The following STXBP6 variants were observed in gnomAD, a reference collection of about 807,000 sequenced individuals.
STXBP6 encodes the protein syntaxin binding protein 6.
A neutral mutation model predicts 26.9 loss-of-function variants in STXBP6; 21 were observed. That is an observed-to-expected ratio of 0.78 (90% CI 0.55 to 1.12). The LOEUF is 1.12. Among genes scored for constraint, STXBP6 ranks in the 50% most tolerant of loss-of-function variants. The pLI, the probability that STXBP6 is intolerant of heterozygous loss-of-function variation, is 0.00. For missense variants in STXBP6, 232 were observed against 257.9 expected (o/e 0.90, Z 0.69); for synonymous variants, 97 against 92.6 (o/e 1.05, Z -0.27).
At chr14:24,965,312 T>A (rs191333662) in intron 2 of STXBP6, among the ~76,000 whole-genome samples, 2 of 125,002 alleles carry the variant, frequency 1.6e-5, no homozygotes, top group Non-Finnish European at 3.5e-5. Context: ...ATGCCTGTCA[T>A]ACATACATAT....
chr14:24,976,163 G>T (rs2074039758), intron 1 of STXBP6, among the ~76,000 whole-genome samples: 1 of 152,178 alleles, frequency 6.6e-6, no homozygotes, highest in African/African-American at 2.4e-5. Flanking sequence ...GGAGTTGACT[G>T]CTAACTACAT....
At chr14:24,979,281 G>A (rs2074125927) in intron 1 of STXBP6, among the ~76,000 whole-genome samples, 3 of 152,162 alleles carry the variant, frequency 2.0e-5, no homozygotes, top group Admixed American at 6.5e-5. Context: ...ACTTCCTATT[G>A]TAAATGAGTA....
rs573955824 is a variant in STXBP6, at chr14:24,877,790, C to T, written c.155-20633G>A. On this transcript the variant is annotated intron_variant, in intron 2 of 5. Coordinates refer to ENST00000323944, the MANE Select transcript of STXBP6 (RefSeq NM_001394410.1). ...AAAGTTCCAGAAGTGGATTGGATTA[C>T]ACACTTAAAGAGCAAATGTACTTGT... is the stretch of plus-strand genomic sequence containing the variant. Among the ~76,000 whole-genome samples the T allele has an allele frequency of 9.9e-5, 15 of 152,262 alleles. No individual in the cohort carries two copies. The South Asian group carries it at 3.1e-3, about 32-fold the overall frequency.
At chr14:24,959,489 T>TA (rs1405064033) in intron 2 of STXBP6, among the ~76,000 whole-genome samples, 8 of 152,132 alleles carry the variant, frequency 5.3e-5, no homozygotes, top group African/African-American at 1.9e-4. Flanking sequence ...TATGTTATTT[T>TA]AAAAAAACAA....
chr14:24,920,780 TAAGAA>T (rs1210284003), intron 2 of STXBP6, among the ~76,000 whole-genome samples: 1 of 152,070 alleles, frequency 6.6e-6, no homozygotes, highest in Non-Finnish European at 1.5e-5. Flanking sequence ...TCAACTGTTC[TAAGAA>T]TAGTATGAAG....
At chr14:24,956,749 G>C (rs2073357745) in intron 2 of STXBP6, among the ~76,000 whole-genome samples, 1 of 152,030 alleles carries the variant, frequency 6.6e-6, no homozygotes, top group Non-Finnish European at 1.5e-5. Context: ...TTTTATTTTT[G>C]TAATACACCG....
At chr14:24,908,652 T>C (rs1262215942) in intron 2 of STXBP6, among the ~76,000 whole-genome samples, 2 of 152,106 alleles carry the variant, frequency 1.3e-5, no homozygotes, top group African/African-American at 2.4e-5. Flanking sequence ...TCTCAGGTCT[T>C]CCTCCACAAA....
At chr14:24,971,560 C>CT (rs950996074) in intron 2 of STXBP6, among the ~76,000 whole-genome samples, 10 of 145,240 alleles carry the variant, frequency 6.9e-5, no homozygotes, top group Admixed American at 6.1e-4. Flanking sequence ...TCACAGACTC[C>CT]TATGAGAGCT....
intron 2 of STXBP6, among the ~76,000 whole-genome samples, chr14:24,894,886 T>TC (rs2070931308): frequency 2.0e-5 from 1 of 49,544 alleles, no homozygotes; most frequent in African/African-American, 4.3e-5. Flanking sequence ...CTTATTTCTC[T>TC]CTCTCTTTTT....
In STXBP6 at chr14:25,003,309, G is replaced by A. The variant is rs150940140; in HGVS notation, c.-32-28459C>T. Reference sequence around the variant, plus strand: ...ACCAAGGAGAGCAGAGCCTCTTCCTGTGAAATATCTTCTCTCCTAGCCTTT... The same window carrying A: ...ACCAAGGAGAGCAGAGCCTCTTCCTATGAAATATCTTCTCTCCTAGCCTTT... On this transcript the variant is annotated intron_variant, in intron 1 of 5. Transcript: ENST00000323944. Among the ~76,000 whole-genome samples the A allele has an allele frequency of 4.4e-3, 670 of 152,298 alleles. 3 individuals carry two copies. Among genetic ancestry groups the A allele is most frequent in the African/African-American group, 0.015 (640 of 41,564 alleles).
chr14:25,003,289 G>A (rs770784207), intron 1 of STXBP6, among the ~76,000 whole-genome samples: 6 of 152,284 alleles, frequency 3.9e-5, no homozygotes, highest in Non-Finnish European at 8.8e-5. Context: ...CTAATACCAA[G>A]GAGAGCAGAG....
At chr14:24,875,474 T>G (rs1262946283) in intron 2 of STXBP6, among the ~76,000 whole-genome samples, 1 of 152,234 alleles carries the variant, frequency 6.6e-6, no homozygotes, top group Non-Finnish European at 1.5e-5. Context: ...GTTTTAGGAC[T>G]CATTTGAGAT....
chr14:24,857,835 A>G (rs998145666), intron 2 of STXBP6, among the ~76,000 whole-genome samples: 6 of 151,982 alleles, frequency 3.9e-5, no homozygotes, highest in Non-Finnish European at 8.8e-5. Flanking sequence ...TTCTGTGCTA[A>G]AGATGGACAG....
chr14:24,819,347 G>T, intron 4 of STXBP6, 153 bp from the exon 5 acceptor site: 1 of 870,684 alleles, frequency 1.1e-6, no homozygotes, highest in Non-Finnish European at 1.8e-6. Context: ...CATTTCTTTT[G>T]ATTGGGTTTG....
chr14:25,045,685 C>A (rs1003998768), intron 1 of STXBP6, among the ~76,000 whole-genome samples: 17 of 150,918 alleles, frequency 1.1e-4, no homozygotes, highest in African/African-American at 3.2e-4. Flanking sequence ...CTCACTGCAA[C>A]CTTCGTCTCC....
chr14:24,918,213 G>A (rs1041345608), intron 2 of STXBP6, among the ~76,000 whole-genome samples: 10 of 151,880 alleles, frequency 6.6e-5, no homozygotes, highest in East Asian at 5.8e-4. Context: ...CTGCACAGAT[G>A]TGTGAATAAA....
intron 2 of STXBP6, among the ~76,000 whole-genome samples, chr14:24,872,777 C>A (rs1176398039): frequency 6.6e-6 from 1 of 152,202 alleles, no homozygotes; most frequent in Non-Finnish European, 1.5e-5. Flanking sequence ...GCCTTCACAG[C>A]CACCTCCTCC....
At chr14:24,899,803 A>AAAAAAAAAAAAAAAAAGC (rs2071144681) in intron 2 of STXBP6, among the ~76,000 whole-genome samples, 3 of 80,118 alleles carry the variant, frequency 3.7e-5, no homozygotes, top group Admixed American at 3.4e-4. Flanking sequence ...AAAAAAAGCA[A>AAAAAAAAAAAAAAAAAGC]AAAAAAAAAA....
intron 1 of STXBP6, among the ~76,000 whole-genome samples, chr14:24,998,607 A>G (rs1000382481): frequency 1.3e-5 from 2 of 152,220 alleles, no homozygotes; most frequent in Non-Finnish European, 2.9e-5. Context: ...TAAAAAAAAC[A>G]AAGCTCAGCT....
Sources: allele counts gnomAD v4.1 joint callset (sites outside exome capture counted in the v4.1 genomes callset), GRCh38; gene constraint gnomAD v4.1.1; transcripts MANE v1.5; gene names NCBI Gene and HGNC (gene_info 2026-07-23, HGNC 2026-07-21).